The following TBC1D28 variants were observed in gnomAD, a reference collection of about 807,000 sequenced individuals.
TBC1D28 encodes TBC1 domain family, member 28.
A neutral mutation model predicts 29.2 loss-of-function variants in TBC1D28; 20 were observed. The observed-to-expected ratio is 0.68, with a 90% CI of 0.48 to 0.99. The LOEUF is 0.99. TBC1D28 is among the 50% of genes least tolerant of loss of function. TBC1D28 has a pLI of 0.00. For missense variants in TBC1D28, 205 were observed against 243.7 expected (o/e 0.84, Z 1.06); for synonymous variants, 65 against 90.9 (o/e 0.71, Z 1.62).
At chr17:18,635,836 C>G (rs917385735) in exon 9 of TBC1D28, 236 of 989,696 alleles carry the variant, frequency 2.4e-4, no homozygotes, top group Non-Finnish European at 2.6e-4. Context: ...GAGGGCTGAG[C>G]AAGACATCGA....
downstream of TBC1D28, among the ~76,000 whole-genome samples, chr17:18,634,267 T>A (rs1409058454): frequency 7.6e-6 from 1 of 131,938 alleles, no homozygotes; most frequent in Non-Finnish European, 1.6e-5. Flanking sequence ...TTTTTTTATT[T>A]CACAAAATGG....
At chr17:18,640,664 C>T (rs1483031816) in intron 4 of TBC1D28, among the ~76,000 whole-genome samples, 2 of 113,614 alleles carry the variant, frequency 1.8e-5, no homozygotes, top group Non-Finnish European at 3.5e-5. Context: ...GCCCTCTTGC[C>T]CTGTGGCCAC....
At chr17:18,640,313 A>G (rs1227247118) in intron 4 of TBC1D28, among the ~76,000 whole-genome samples, 1 of 144,722 alleles carries the variant, frequency 6.9e-6, no homozygotes, top group Non-Finnish European at 1.5e-5. Flanking sequence ...GGCTTGGTTC[A>G]GGTGCCTTCC....
chr17:18,635,844 C>A, exon 9 of TBC1D28: 4 of 991,730 alleles, frequency 4.0e-6, no homozygotes, highest in Non-Finnish European at 4.8e-6. Flanking sequence ...AGCAAGACAT[C>A]GATAGTGGGT....
upstream of TBC1D28, chr17:18,642,560 C>T (rs533103599): frequency 4.5e-4 from 68 of 152,190 alleles, no homozygotes; most frequent in African/African-American, 1.4e-3. Flanking sequence ...GGCCAGTCAC[C>T]GCCTCTCTGA....
exon 1 of TBC1D28, chr17:18,642,050 C>T (rs543932071): frequency 6.3e-4 from 100 of 159,156 alleles, no homozygotes; most frequent in Non-Finnish European, 1.2e-3. Context: ...TCCTAGAGAA[C>T]ACCTGGGGGA....
exon 9 of TBC1D28, chr17:18,636,433 C>T (rs2031497863): frequency 6.2e-7 from 1 of 1,611,252 alleles, no homozygotes; most frequent in African/African-American, 1.3e-5. Flanking sequence ...GTCCTGCCTA[C>T]TACGTCCTGG....
At chr17:18,639,367 C>T (rs547972336) in intron 4 of TBC1D28, among the ~76,000 whole-genome samples, 153 bp from the exon 6 acceptor site, 12 of 105,932 alleles carry the variant, frequency 1.1e-4, no homozygotes, top group Non-Finnish European at 1.8e-4. Context: ...GGCCTCCCTG[C>T]GGATCTGACA....
At chr17:18,642,710 G>A (rs151269343), upstream of TBC1D28, 3 of 152,278 alleles carry the variant, frequency 2.0e-5, no homozygotes, top group African/African-American at 4.8e-5. Flanking sequence ...GGTGACCCTC[G>A]TCGGCATCTG....
chr17:18,638,688 T>C, exon 6 of TBC1D28: 1 of 1,614,082 alleles, frequency 6.2e-7, no homozygotes. Context: ...ACGTTTACTT[T>C]CCTTGCGTCT....
chr17:18,638,263 T>C, intron 7 of TBC1D28, 50 bp downstream of exon 8: 1 of 1,598,970 alleles, frequency 6.3e-7, no homozygotes, highest in Non-Finnish European at 8.6e-7. Flanking sequence ...GGGATCCTGA[T>C]ACAGTCTAGC....
chr17:18,636,660 C>T (rs1567875377), intron 8 of TBC1D28, 63 bp from the exon 10 acceptor site: 3 of 1,576,646 alleles, frequency 1.9e-6, no homozygotes, highest in Non-Finnish European at 2.6e-6. Flanking sequence ...TTCATTTTGT[C>T]TACAAACCCA....
Position 18,640,315 on chromosome 17 carries a change from G to A in TBC1D28, c.158+707C>T, listed in dbSNP as rs968682632. On this transcript the variant is annotated intron_variant, in intron 4 of 8. Transcript: ENST00000345096. ...TCCACCCGGGTCTGGCTTGGTTCAG[G>A]TGCCTTCCAGAAGTGGCAGGTCTCA... 1.1e-4 allele frequency among the ~76,000 whole-genome samples: 16 copies of A among 144,870 alleles called. 1 individual carries two copies. The highest frequency in any genetic ancestry group is 2.0e-4 in the Non-Finnish European group (13 of 66,412).
At chr17:18,643,404 C>T (rs1045891256), upstream of TBC1D28, among the ~76,000 whole-genome samples, 31 of 150,488 alleles carry the variant, frequency 2.1e-4, 1 homozygote, top group Non-Finnish European at 3.1e-4. Context: ...CCTGAGGTCA[C>T]CAAGCAACCA....
chr17:18,641,799 T>C (rs985955125), intron 1 of TBC1D28, 29 bp downstream of exon 2: 39 of 194,132 alleles, frequency 2.0e-4, no homozygotes, highest in Non-Finnish European at 1.5e-4. Context: ...ATCTGGTGAC[T>C]GCTCCGTTCT....
chr17:18,635,970 C>G (rs1366217869), exon 9 of TBC1D28: 1 of 993,828 alleles, frequency 1.0e-6, no homozygotes, highest in Admixed American at 5.7e-5. Context: ...GGTCCTGCAA[C>G]AGCCCAAGGG....
Position 18,638,439 on chromosome 17 carries a change from T to C in TBC1D28, c.280-19A>G. 1.2e-6 allele frequency: 2 copies of C among 1,613,648 alleles called. No homozygotes were observed. The highest frequency in any genetic ancestry group is 1.7e-6 in the Non-Finnish European group (2 of 1,179,746). ...GAGACAGCTACAGACAGAAGAACAC[T>C]CCAGTGAGAAAGGACATGGGGCAAC... On this transcript the variant is annotated intron_variant, in intron 6 of 8. Coordinates refer to ENST00000345096, the Ensembl canonical transcript of TBC1D28.
downstream of TBC1D28, among the ~76,000 whole-genome samples, chr17:18,634,788 CGCCCCTCA>C (rs1168730171): frequency 8.3e-4 from 124 of 149,836 alleles, no homozygotes; most frequent in African/African-American, 2.4e-3. Context: ...CCAGGCTGCC[CGCCCCTCA>C]GCCCCTCAGC....
chr17:18,634,807 C>T (rs1295663122), downstream of TBC1D28, among the ~76,000 whole-genome samples: 2 of 146,616 alleles, frequency 1.4e-5, no homozygotes, highest in Non-Finnish European at 3.0e-5. Flanking sequence ...GCCCCTCAGC[C>T]CCTCAGCCGC....
Sources: allele counts gnomAD v4.1 joint callset (sites outside exome capture counted in the v4.1 genomes callset), GRCh38; gene constraint gnomAD v4.1.1; transcripts MANE v1.5; gene names NCBI Gene and HGNC (gene_info 2026-07-23, HGNC 2026-07-21).